The following RGS6 variants were observed in gnomAD, a reference collection of about 807,000 sequenced individuals.
RGS6 encodes regulator of G protein signaling 6.
A neutral mutation model predicts 78.5 loss-of-function variants in RGS6; 30 were observed. The observed-to-expected ratio is 0.38, with a 90% CI of 0.29 to 0.52. The LOEUF is 0.52. Ranked by LOEUF, RGS6 falls within the 20% of genes least tolerant of loss-of-function variation. The pLI, the probability that RGS6 is intolerant of heterozygous loss-of-function variation, is 0.85. For synonymous variants in RGS6, 206 were observed against 206.0 expected (o/e 1.00, Z 0.00); for missense variants, 495 against 609.7 (o/e 0.81, Z 1.98).
At chr14:72,248,929 C>CT (rs2054921540) in intron 2 of RGS6, among the ~76,000 whole-genome samples, 1 of 152,228 alleles carries the variant, frequency 6.6e-6, no homozygotes, top group African/African-American at 2.4e-5. Flanking sequence ...TTAACTCCCT[C>CT]TTTTTTGATT....
At chr14:72,190,787 A>G (rs1343021186) in intron 2 of RGS6, among the ~76,000 whole-genome samples, 1 of 152,240 alleles carries the variant, frequency 6.6e-6, no homozygotes, top group Non-Finnish European at 1.5e-5. Flanking sequence ...CCACCAAAGC[A>G]TGGATTACAG....
chr14:72,075,820 C>T (rs2094553878), intron 2 of RGS6, among the ~76,000 whole-genome samples: 1 of 152,212 alleles, frequency 6.6e-6, no homozygotes. Flanking sequence ...CTCCGGACGG[C>T]AGTGTCAGTG....
At chr14:71,998,772 G>A (rs548389269) in intron 2 of RGS6, among the ~76,000 whole-genome samples, 29 of 152,298 alleles carry the variant, frequency 1.9e-4, no homozygotes, top group African/African-American at 5.1e-4. Context: ...TAAAAGGAGT[G>A]TGAAATGGAG....
intron 1 of RGS6, among the ~76,000 whole-genome samples, chr14:71,950,032 TATA>T (rs1196283245): frequency 6.6e-6 from 1 of 152,194 alleles, no homozygotes; most frequent in East Asian, 1.9e-4. Flanking sequence ...ATTTCTCTAA[TATA>T]ATATTGATAA....
At chr14:72,629,520 A>G in the RGS6 span, 1 of 1,116,086 alleles carries the variant, frequency 9.0e-7, no homozygotes, top group Non-Finnish European at 1.3e-6. Context: ...CCAGGGTAAC[A>G]GGCCCCAGGG....
At chr14:72,138,127 T>C (rs987971640) in intron 2 of RGS6, among the ~76,000 whole-genome samples, 2 of 152,150 alleles carry the variant, frequency 1.3e-5, no homozygotes, top group East Asian at 1.9e-4. Flanking sequence ...ACACCTATTA[T>C]AAAGCACTAC....
At chr14:72,587,519 C>T in the RGS6 span, among the ~76,000 whole-genome samples, 1 of 152,090 alleles carries the variant, frequency 6.6e-6, no homozygotes, top group African/African-American at 2.4e-5. Context: ...AAATCCACCC[C>T]ATAACTTATA....
At chr14:72,178,960 C>G (rs139194567) in intron 2 of RGS6, among the ~76,000 whole-genome samples, 1 of 152,174 alleles carries the variant, frequency 6.6e-6, no homozygotes, top group African/African-American at 2.4e-5. Context: ...TCCTTACTGA[C>G]GGTTTCTAGA....
At chr14:72,371,064 CT>C in intron 3 of RGS6, among the ~76,000 whole-genome samples, 1 of 152,204 alleles carries the variant, frequency 6.6e-6, no homozygotes, top group Admixed American at 6.5e-5. Context: ...AAGGGTGTGG[CT>C]TTTTTAGGGC....
the RGS6 span, among the ~76,000 whole-genome samples, chr14:71,876,139 G>A: frequency 2.6e-5 from 4 of 152,166 alleles, no homozygotes; most frequent in Non-Finnish European, 5.9e-5. Flanking sequence ...GGGGTGGAGA[G>A]TTCTGTAGAT....
chr14:71,895,751 A>T, the RGS6 span, among the ~76,000 whole-genome samples: 1 of 152,288 alleles, frequency 6.6e-6, no homozygotes, highest in African/African-American at 2.4e-5. Flanking sequence ...AGTGGGAGCC[A>T]TTAGTATTCC....
At chr14:72,457,865 G>T (rs1470366354) in intron 4 of RGS6, among the ~76,000 whole-genome samples, 1 of 152,142 alleles carries the variant, frequency 6.6e-6, no homozygotes, top group Non-Finnish European at 1.5e-5. Context: ...TTACTGCTGG[G>T]GATGATGAAA....
chr14:72,043,704 G>A (rs1567084279), intron 2 of RGS6, among the ~76,000 whole-genome samples: 1 of 152,112 alleles, frequency 6.6e-6, no homozygotes. Context: ...CCAGGTGTAG[G>A]TATTTTTGAC....
intron 2 of RGS6, among the ~76,000 whole-genome samples, chr14:72,236,534 T>C (rs1255703488): frequency 6.6e-6 from 1 of 152,216 alleles, no homozygotes; most frequent in Non-Finnish European, 1.5e-5. Context: ...TTCTCCAATT[T>C]AAAACTTTAA....
the RGS6 span, among the ~76,000 whole-genome samples, chr14:71,901,257 A>G: frequency 6.6e-6 from 1 of 152,244 alleles, no homozygotes; most frequent in Admixed American, 6.5e-5. Context: ...ATCTATATCA[A>G]GAATATGAAC....
chr14:72,266,158 T>C (rs2059040471), intron 2 of RGS6, among the ~76,000 whole-genome samples: 1 of 152,206 alleles, frequency 6.6e-6, no homozygotes, highest in South Asian at 2.1e-4. Flanking sequence ...CTGGATACTT[T>C]CACTGGGCAG....
chr14:72,547,015 C>T lies in RGS6; in HGVS notation c.1422+6921C>T, dbSNP rs76692142. On this transcript the variant is annotated intron_variant, in intron 17 of 17. Coordinates refer to ENST00000553525, the MANE Select transcript of RGS6 (RefSeq NM_001204424.2). ...TTGTGCAGTCAGACCCCAGTGCCAT[C>T]CTCGTGCAGCCACATGGGAACTGTG... 325 of 662,218 alleles carry T rather than the reference C, an allele frequency of 4.9e-4. 4 individuals are homozygous for T. In the East Asian group the frequency reaches 8.5e-3, roughly 17 times the overall value. 41.0% of individuals were successfully genotyped at this position (662,218 alleles called of 1,614,324 possible).
intron 2 of RGS6, among the ~76,000 whole-genome samples, chr14:72,087,541 CTG>C (rs1445451497): frequency 6.6e-6 from 1 of 151,684 alleles, no homozygotes; most frequent in Non-Finnish European, 1.5e-5. Context: ...TTACTAATGA[CTG>C]TGAGTGAAAA....
intron 2 of RGS6, among the ~76,000 whole-genome samples, chr14:72,291,713 T>G (rs1007626774): frequency 6.6e-6 from 1 of 152,110 alleles, no homozygotes. Flanking sequence ...CTGGCTAAAA[T>G]CATGCTCAAA....
Sources: gnomAD v4.1 joint callset for allele counts (sites outside exome capture counted in the v4.1 genomes callset) on GRCh38, gnomAD v4.1.1 for gene constraint, MANE v1.5 for transcripts, NCBI Gene and HGNC (gene_info 2026-07-23, HGNC 2026-07-21) for gene names.